Variants in GARRE1 observed in about 807,000 individuals in gnomAD.
GARRE1 encodes granule associated Rac and RHOG effector 1.
GARRE1 carries 49 observed loss-of-function variants against 103.2 expected under a neutral mutation model. The observed-to-expected ratio is 0.47, with a 90% confidence interval of 0.38 to 0.60. The LOEUF (loss-of-function observed/expected upper bound fraction) is 0.60, where lower values mean the gene tolerates loss of function less well. Among genes scored for constraint, GARRE1 ranks in the 20% least tolerant of loss-of-function variants. The pLI is 0.00. For missense variants in GARRE1, 1,199 were observed against 1,370.5 expected, an observed-to-expected ratio of 0.87 and a Z score of 1.98; for synonymous variants, 505 against 532.8, an observed-to-expected ratio of 0.95 and a Z score of 0.72.
At chr19:34,328,691 T>C (rs2074124162) in intron 6 of GARRE1, among the ~76,000 whole-genome samples, 1 of 152,080 alleles carries the variant, frequency 6.6e-6, no homozygotes, top group East Asian at 1.9e-4. Context: ...CACTGCAACC[T>C]TCACCTCCTG....
intron 1 of GARRE1, among the ~76,000 whole-genome samples, chr19:34,273,112 C>G (rs1035373469): frequency 2.6e-5 from 4 of 152,128 alleles, no homozygotes; most frequent in Non-Finnish European, 4.4e-5. Context: ...TGAGGCTGGT[C>G]AATCACTTGA....
chr19:34,345,232 C>A (rs1318861232), intron 10 of GARRE1, among the ~76,000 whole-genome samples: 1 of 152,210 alleles, frequency 6.6e-6, no homozygotes, highest in Non-Finnish European at 1.5e-5. Context: ...GGATTACAGG[C>A]ATGAGCCACT....
chr19:34,286,152 AAAAC>A (rs540988309), intron 1 of GARRE1, among the ~76,000 whole-genome samples: 35 of 152,304 alleles, frequency 2.3e-4, no homozygotes, highest in Admixed American at 3.9e-4. Context: ...ACCCTGTTTC[AAAAC>A]AAACAAACAA....
chr19:34,323,917 C>A (rs565365342), intron 3 of GARRE1, among the ~76,000 whole-genome samples: 10 of 152,300 alleles, frequency 6.6e-5, no homozygotes, highest in Admixed American at 2.6e-4. Context: ...ATGCCACCCC[C>A]TACTACACTG....
chr19:34,274,436 A>C (rs2145960102), intron 1 of GARRE1, among the ~76,000 whole-genome samples: 2 of 152,292 alleles, frequency 1.3e-5, no homozygotes, highest in Non-Finnish European at 2.9e-5. Context: ...ACTGTGATTA[A>C]TTGGATGTGA....
At chr19:34,343,632 A>AG (rs1222797129) in intron 10 of GARRE1, among the ~76,000 whole-genome samples, 1 of 152,172 alleles carries the variant, frequency 6.6e-6, no homozygotes, top group African/African-American at 2.4e-5. Context: ...AGATTGCCTG[A>AG]GGCCAGGAGT....
At chr19:34,275,642 T>A (rs1353766554) in intron 1 of GARRE1, among the ~76,000 whole-genome samples, 1 of 152,210 alleles carries the variant, frequency 6.6e-6, no homozygotes, top group Admixed American at 6.5e-5. Flanking sequence ...GACATTTGAG[T>A]TGTTTCCAGT....
At chr19:34,302,157 A>ATT (rs1180139100) in intron 2 of GARRE1, among the ~76,000 whole-genome samples, 2 of 147,302 alleles carry the variant, frequency 1.4e-5, no homozygotes, top group Non-Finnish European at 3.0e-5. Context: ...TGCCCGGCTA[A>ATT]TTTTGTATTT....
chr19:34,349,110 A>G lies in GARRE1; in HGVS notation c.2782A>G (p.Met928Val). 1 of 1,612,946 alleles carries G rather than the reference A, an allele frequency of 6.2e-7. No individual in the cohort carries two copies. The change falls in exon 12 of 14, where the codon ATG (methionine) becomes GTG (valine). Residue 928 changes from methionine (M) to valine (V), a missense_variant. Transcript: ENST00000299505. ...AGCCAACGGGGACAGCTTGTTCTCC[A>G]TGTTTTCAGGGCCTGACCTCGTTGC... is the stretch of plus-strand genomic sequence containing the variant. ...SSANGDSLFS[M>V]FSGPDLVAAV...
intron 1 of GARRE1, among the ~76,000 whole-genome samples, chr19:34,284,037 A>G (rs1230759387): frequency 7.4e-5 from 11 of 149,354 alleles, no homozygotes; most frequent in Admixed American, 2.7e-4. Context: ...TCACCGTGTT[A>G]GCCAGGATGG....
intron 1 of GARRE1, among the ~76,000 whole-genome samples, chr19:34,279,975 A>G (rs1445609178): frequency 7.7e-6 from 1 of 130,200 alleles, no homozygotes; most frequent in Non-Finnish European, 1.5e-5. Context: ...ACAGAGCGAG[A>G]CTCCGTCTCA....
chr19:34,324,074 G>A (rs2074101217), intron 3 of GARRE1, among the ~76,000 whole-genome samples: 1 of 152,066 alleles, frequency 6.6e-6, no homozygotes, highest in South Asian at 2.1e-4. Flanking sequence ...GTCCAGGCTT[G>A]CCCCGTGCTG....
At chr19:34,330,650 T>C (rs1261361104) in intron 7 of GARRE1, among the ~76,000 whole-genome samples, 5 of 151,644 alleles carry the variant, frequency 3.3e-5, no homozygotes, top group South Asian at 2.1e-4. Flanking sequence ...ATGCCTGTAG[T>C]CCCAGCACTT....
At chr19:34,255,103 C>T (rs2073663196) in intron 1 of GARRE1, among the ~76,000 whole-genome samples, 1 of 152,002 alleles carries the variant, frequency 6.6e-6, no homozygotes, top group African/African-American at 2.4e-5. Context: ...GCGGGCTGCG[C>T]GCACCTTCCC....
rs368681305 is a variant in GARRE1, at chr19:34,342,741, T to C, written c.2521+286T>C. 3.9e-5 allele frequency among the ~76,000 whole-genome samples: 6 copies of C among 152,124 alleles called. No homozygotes were observed. The East Asian group carries it at 9.6e-4, about 24-fold the overall frequency. ...ACAGCTCAAAGTCCCATAGTTCAAG[T>C]AGGCTCCAGTCTAGGCCTGCCTACT... On this transcript the variant is annotated intron_variant, in intron 10 of 13. Transcript: ENST00000299505.
At chr19:34,291,677 C>T (rs1045314297) in intron 1 of GARRE1, among the ~76,000 whole-genome samples, 2 of 152,202 alleles carry the variant, frequency 1.3e-5, no homozygotes, top group South Asian at 2.1e-4. Flanking sequence ...CAAGAGCCTT[C>T]ATGACCTAAT....
At chr19:34,301,250 C>T (rs1166843898) in intron 2 of GARRE1, among the ~76,000 whole-genome samples, 3 of 151,886 alleles carry the variant, frequency 2.0e-5, no homozygotes, top group Non-Finnish European at 4.4e-5. Flanking sequence ...ATAGTGAGAC[C>T]TTGTCTCTAC....
intron 2 of GARRE1, among the ~76,000 whole-genome samples, chr19:34,309,790 C>T (rs530214473): frequency 6.6e-6 from 1 of 152,234 alleles, no homozygotes; most frequent in Non-Finnish European, 1.5e-5. Context: ...TAAATAACTC[C>T]ATTTCATGGA....
intron 8 of GARRE1, 27 bp downstream of exon 8, chr19:34,333,828 G>A (rs1286560799): frequency 1.5e-6 from 2 of 1,326,666 alleles, no homozygotes; most frequent in Non-Finnish European, 2.2e-6. Flanking sequence ...TTTCACCGGA[G>A]CCTAAGCTCT....
Sources: gnomAD v4.1 joint callset for allele counts (sites outside exome capture counted in the v4.1 genomes callset) on GRCh38, gnomAD v4.1.1 for gene constraint, MANE v1.5 for transcripts, NCBI Gene and HGNC (gene_info 2026-07-23, HGNC 2026-07-21) for gene names.